Variants in MSN observed in about 807,000 individuals in gnomAD.
MSN encodes epididymis luminal protein 70.
A neutral mutation model predicts 48.0 loss-of-function variants in MSN; 2 were observed. That is an observed-to-expected ratio of 0.04 (90% CI 0.02 to 0.13). MSN has a LOEUF of 0.13. Ranked by LOEUF, MSN falls within the 10% of genes least tolerant of loss-of-function variation. The probability of loss-of-function intolerance (pLI) is 1.00; values close to 1 mark genes in which losing one functional copy is unlikely to be tolerated. For synonymous variants in MSN, 146 were observed against 166.9 expected (o/e 0.87, Z 0.97); for missense variants, 267 against 470.1 (o/e 0.57, Z 3.99).
intron 8 of MSN, among the ~76,000 whole-genome samples, chrX:65,735,988 A>G (rs1186148235): frequency 1.8e-5 from 2 of 111,808 alleles, no homozygotes; most frequent in Non-Finnish European, 3.8e-5. Flanking sequence ...GGCAAGAAAA[A>G]GCAAAAGCAA....
chrX:65,623,120 T>C (rs2070467296), intron 1 of MSN, among the ~76,000 whole-genome samples: 1 of 108,877 alleles, frequency 9.2e-6, no homozygotes, highest in Admixed American at 9.7e-5. Flanking sequence ...GATTATGATG[T>C]ATAATCCTTT....
chrX:65,649,663 G>C (rs2070725687), intron 1 of MSN, among the ~76,000 whole-genome samples: 1 of 106,273 alleles, frequency 9.4e-6, no homozygotes, highest in African/African-American at 3.4e-5. Context: ...ATATGTGTGT[G>C]TGTGTATGTG....
intron 1 of MSN, among the ~76,000 whole-genome samples, chrX:65,596,589 T>C (rs1368059450): frequency 9.2e-6 from 1 of 108,760 alleles, no homozygotes; most frequent in African/African-American, 3.3e-5. Flanking sequence ...CTCTTTCCTA[T>C]TTTTCTTTTT....
At chrX:65,694,163 T>C (rs1292312912) in intron 1 of MSN, among the ~76,000 whole-genome samples, 1 of 111,000 alleles carries the variant, frequency 9.0e-6, no homozygotes, top group African/African-American at 3.3e-5. Flanking sequence ...TATGAGTATA[T>C]CTAGGAGAGT....
chrX:65,679,280 G>C lies in MSN; in HGVS notation c.12+11427G>C, dbSNP rs144089677. Among the ~76,000 whole-genome samples, 507 of 111,858 alleles carry C rather than the reference G, an allele frequency of 4.5e-3. 4 individuals are homozygous for C. The highest frequency in any genetic ancestry group is 0.016 in the African/African-American group (486 of 30,764). Reference sequence around the variant, plus strand: ...GACAAAGAAACAAGCTAAAACTGAGGACATATGAGATTTCACTTCCTTTAC... The same window carrying C: ...GACAAAGAAACAAGCTAAAACTGAGCACATATGAGATTTCACTTCCTTTAC... On this transcript the variant is annotated intron_variant, in intron 1 of 12. Transcript: ENST00000360270.
Position 65,662,375 on chromosome X carries a change from A to C in MSN, c.-21-54443A>C, listed in dbSNP as rs764001479. Reference sequence around the variant, plus strand: ...AGCTTGAGGCATCACACTACACAACATCAAACTATACTATAAAGCTATCAA... The same window carrying C: ...AGCTTGAGGCATCACACTACACAACCTCAAACTATACTATAAAGCTATCAA... On this transcript the variant is annotated intron_variant, in intron 1 of 3. Transcript: ENST00000609672. Among the ~76,000 whole-genome samples the C allele has an allele frequency of 1.6e-4, 18 of 112,330 alleles. No homozygotes were observed. In the East Asian group the frequency reaches 4.8e-3, roughly 30 times the overall value.
chrX:65,607,575 G>T (rs1226845080), intron 1 of MSN, among the ~76,000 whole-genome samples: 4 of 111,505 alleles, frequency 3.6e-5, no homozygotes, highest in South Asian at 3.7e-4. Context: ...ATAGAATAAG[G>T]CACTGAGAGT....
chrX:65,643,573 G>C (rs2070673879), intron 1 of MSN, among the ~76,000 whole-genome samples: 1 of 112,195 alleles, frequency 8.9e-6, no homozygotes, highest in Admixed American at 9.5e-5. Flanking sequence ...ACTCAAGCTA[G>C]AAAGTTCTAA....
chrX:65,734,544 G>A (rs773399724), intron 7 of MSN, among the ~76,000 whole-genome samples: 2 of 111,931 alleles, frequency 1.8e-5, no homozygotes, highest in Non-Finnish European at 3.8e-5. Flanking sequence ...AGAGGAGATG[G>A]TGGTGCCCAT....
At chrX:65,622,096 C>CTTT (rs757740196) in intron 1 of MSN, among the ~76,000 whole-genome samples, 1 of 90,659 alleles carries the variant, frequency 1.1e-5, no homozygotes. Context: ...CTTTTCTTTT[C>CTTT]TTTTTTTTTT....
chrX:65,712,915 G>A (rs2071428241), intron 1 of MSN, among the ~76,000 whole-genome samples: 1 of 111,260 alleles, frequency 9.0e-6, no homozygotes, highest in African/African-American at 3.3e-5. Context: ...ACATTGTGAG[G>A]TTTGGATTTA....
intron 1 of MSN, among the ~76,000 whole-genome samples, chrX:65,701,656 G>T (rs763228597): frequency 8.9e-6 from 1 of 111,951 alleles, no homozygotes; most frequent in Non-Finnish European, 1.9e-5. Context: ...GCTAAGTTTG[G>T]GATATACCTC....
intron 1 of MSN, among the ~76,000 whole-genome samples, chrX:65,647,442 A>T (rs1367417752): frequency 9.0e-6 from 1 of 111,717 alleles, no homozygotes; most frequent in Admixed American, 9.5e-5. Flanking sequence ...CGAACTCCTG[A>T]CCTCGTGATC....
intron 1 of MSN, among the ~76,000 whole-genome samples, chrX:65,599,485 T>C (rs1193140795): frequency 1.8e-5 from 2 of 110,641 alleles, no homozygotes; most frequent in Admixed American, 9.6e-5. Flanking sequence ...ATACAAAAAT[T>C]AGCTGGGCGT....
chrX:65,659,772 A>G (rs903150361), intron 1 of MSN, among the ~76,000 whole-genome samples: 1 of 111,347 alleles, frequency 9.0e-6, no homozygotes, highest in African/African-American at 3.3e-5. Context: ...TTGTCTAAAA[A>G]CCCAAATCTC....
intron 1 of MSN, among the ~76,000 whole-genome samples, chrX:65,657,478 TG>T (rs1347632188): frequency 9.0e-6 from 1 of 111,182 alleles, no homozygotes; most frequent in Non-Finnish European, 1.9e-5. Flanking sequence ...ATGACTTCAC[TG>T]GGAGATCCTG....
chrX:65,602,499 A>G (rs1423572745), intron 1 of MSN, among the ~76,000 whole-genome samples: 5 of 88,073 alleles, frequency 5.7e-5, no homozygotes, highest in Admixed American at 4.3e-4. Context: ...CTCCAGCTCC[A>G]CTCTCCAGCT....
At chrX:65,714,112 G>T (rs758064879) in intron 1 of MSN, among the ~76,000 whole-genome samples, 2 of 111,642 alleles carry the variant, frequency 1.8e-5, no homozygotes, top group South Asian at 7.5e-4. Flanking sequence ...GCATTAGTTT[G>T]CTAAGGATAA....
At chrX:65,640,694 G>A (rs2148369579) in intron 1 of MSN, among the ~76,000 whole-genome samples, 1 of 112,180 alleles carries the variant, frequency 8.9e-6, no homozygotes, top group African/African-American at 3.2e-5. Flanking sequence ...TAATTTATCA[G>A]TCTAGTAGGA....
Sources: gnomAD v4.1 joint callset for allele counts (sites outside exome capture counted in the v4.1 genomes callset) on GRCh38, gnomAD v4.1.1 for gene constraint, MANE v1.5 for transcripts, NCBI Gene and HGNC (gene_info 2026-07-23, HGNC 2026-07-21) for gene names.